Variants in VDAC1 observed in about 807,000 individuals in gnomAD.
VDAC1 encodes the protein voltage dependent anion channel 1.
VDAC1 carries 10 observed loss-of-function variants against 34.7 expected under a neutral mutation model. The ratio of observed to expected loss-of-function variants is 0.29; its 90% CI spans 0.18 to 0.49. The LOEUF (loss-of-function observed/expected upper bound fraction) is 0.49, where lower values mean the gene tolerates loss of function less well. VDAC1 is among the 20% of genes least tolerant of loss of function. The pLI is 0.99. For missense variants in VDAC1, 230 were observed against 347.9 expected (o/e 0.66, Z 2.69); for synonymous variants, 130 against 136.0 (o/e 0.96, Z 0.30).
chr5:134,085,076 C>CTTTTCTT, the VDAC1 span, among the ~76,000 whole-genome samples: 177 of 145,994 alleles, frequency 1.2e-3, 2 homozygotes, highest in East Asian at 9.1e-3. Context: ...TTTTTCTTTT[C>CTTTTCTT]TTTTTTTTTT....
chr5:134,042,776 C>T, the VDAC1 span, among the ~76,000 whole-genome samples: 1 of 152,238 alleles, frequency 6.6e-6, no homozygotes, highest in African/African-American at 2.4e-5. Flanking sequence ...GCGTGAGCCA[C>T]CATGCCTGGC....
the VDAC1 span, among the ~76,000 whole-genome samples, chr5:134,048,693 A>G: frequency 2.0e-5 from 3 of 152,162 alleles, no homozygotes; most frequent in Non-Finnish European, 4.4e-5. Context: ...TCCAGATCAT[A>G]TAGTATCTTG....
chr5:133,985,813 C>A (rs1752887290), intron 5 of VDAC1, among the ~76,000 whole-genome samples: 1 of 152,208 alleles, frequency 6.6e-6, no homozygotes, highest in African/African-American at 2.4e-5. Context: ...AATATAAAAT[C>A]AGGCATCTTC....
chr5:133,980,655 A>AC, intron 6 of VDAC1, 74 bp downstream of exon 6: 1 of 876,642 alleles, frequency 1.1e-6, no homozygotes, highest in Non-Finnish European at 1.7e-6. Flanking sequence ...AAAAAAAAAC[A>AC]GTGAAAAGCA....
chr5:134,052,329 T>C, the VDAC1 span, among the ~76,000 whole-genome samples: 1 of 152,138 alleles, frequency 6.6e-6, no homozygotes, highest in Non-Finnish European at 1.5e-5. Context: ...TCTTGTGTTA[T>C]GTAAAACTTT....
chr5:133,976,937 G>A (rs947657570), intron 6 of VDAC1, among the ~76,000 whole-genome samples: 3 of 152,020 alleles, frequency 2.0e-5, no homozygotes, highest in Non-Finnish European at 4.4e-5. Flanking sequence ...CCAGCAACCT[G>A]GGGGGGTGAG....
chr5:133,972,772 T>C lies in VDAC1; in HGVS notation c.851A>G (p.Ter284=), dbSNP rs758284450. 7.0e-6 allele frequency: 11 copies of C among 1,578,408 alleles called. No homozygotes were observed. The East Asian group carries it at 2.0e-4, about 29-fold the overall frequency. ...ATTAAACAATTGTACAGTATTCATT[T>C]ATGCTTGAAATTCCAGTCCTAGACC... The part of the protein sequence containing the change: ...KLGLGLEFQA[*] The change falls in exon 9 of 9, where the codon TAA becomes TGA. Residue 284 remains the stop codon, a stop_retained_variant. Transcript: ENST00000265333.
the VDAC1 span, among the ~76,000 whole-genome samples, chr5:134,104,831 A>T: frequency 7.9e-5 from 12 of 152,214 alleles, no homozygotes; most frequent in Admixed American, 7.2e-4. Context: ...AAGCGAGGGG[A>T]TATACTTTCA....
At chr5:134,054,456 TC>T in the VDAC1 span, among the ~76,000 whole-genome samples, 4 of 79,182 alleles carry the variant, frequency 5.1e-5, no homozygotes, top group South Asian at 1.5e-3. Context: ...CTTCCTTCCT[TC>T]CTTTTTTTTT....
chr5:134,042,610 C>T, the VDAC1 span, among the ~76,000 whole-genome samples: 10 of 152,310 alleles, frequency 6.6e-5, no homozygotes, highest in African/African-American at 2.2e-4. Flanking sequence ...TCTCCTGCCT[C>T]GGCCTCCAGA....
At chr5:134,028,956 G>A in the VDAC1 span, among the ~76,000 whole-genome samples, 4 of 152,138 alleles carry the variant, frequency 2.6e-5, no homozygotes, top group Admixed American at 2.0e-4. Context: ...AAAAGATGGC[G>A]GCCATGTCAT....
chr5:133,980,886 C>T lies in VDAC1; in HGVS notation c.394G>A (p.Asp132Asn), dbSNP rs377065269. Residue 132 changes from aspartate to asparagine, a missense_variant, in exon 6 of 9, where the codon GAC (aspartate) becomes AAC (asparagine). Transcript: ENST00000265333. ...CCCCGGATGGAAGGCCCAGCAATGT[C>T]GAAATCCATGTCGCAGCCCAGGTTA... is the stretch of plus-strand genomic sequence containing the variant. Reference protein sequence around the residue: ...HINLGCDMDFDIAGPSIRGAL... With the variant: ...HINLGCDMDFNIAGPSIRGAL... The T allele has an allele frequency of 5.6e-6, 9 of 1,613,870 alleles. No homozygotes were observed. The highest frequency in any genetic ancestry group is 7.6e-6 in the Non-Finnish European group (9 of 1,180,006).
At chr5:133,992,862 G>A in intron 2 of VDAC1, 84 bp downstream of exon 2, 1 of 1,333,084 alleles carries the variant, frequency 7.5e-7, no homozygotes, top group Non-Finnish European at 1.0e-6. Flanking sequence ...ACCTACCCAG[G>A]TCTCCTAAAC....
chr5:134,073,972 T>G, the VDAC1 span, among the ~76,000 whole-genome samples: 1 of 152,296 alleles, frequency 6.6e-6, no homozygotes, highest in South Asian at 2.1e-4. Flanking sequence ...TGTTATGTTT[T>G]TTCCCATTAT....
At chr5:134,092,325 C>T in the VDAC1 span, among the ~76,000 whole-genome samples, 1 of 152,254 alleles carries the variant, frequency 6.6e-6, no homozygotes, top group East Asian at 1.9e-4. Flanking sequence ...CATCTCACTT[C>T]AAAACAAAAA....
the VDAC1 span, among the ~76,000 whole-genome samples, chr5:134,066,165 G>A: frequency 6.6e-6 from 1 of 151,884 alleles, no homozygotes; most frequent in Non-Finnish European, 1.5e-5. Flanking sequence ...GGAGAGTGCT[G>A]GCTAATTTTT....
Position 133,997,960 on chromosome 5 carries a change from G to A in VDAC1, c.-6-4942C>T, listed in dbSNP as rs567047261. Among the ~76,000 whole-genome samples the A allele has an allele frequency of 1.3e-4, 20 of 151,952 alleles. 1 individual carries two copies. The highest frequency in any genetic ancestry group is 3.4e-3 in the Middle Eastern group (1 of 294). On this transcript the variant is annotated intron_variant, in intron 1 of 8. Transcript: ENST00000265333. ...CGCATGCCTGTAATCCCAGCTACTCGGGAGGCTGGGGCAGAAGAATTGCCT... is the reference window on the plus strand; with the variant it reads ...CGCATGCCTGTAATCCCAGCTACTCAGGAGGCTGGGGCAGAAGAATTGCCT...
upstream of VDAC1, among the ~76,000 whole-genome samples, chr5:134,007,009 T>C (rs1041161009): frequency 6.1e-4 from 93 of 151,830 alleles, 1 homozygote; most frequent in East Asian, 7.8e-4. Flanking sequence ...TTTGGGAGGC[T>C]GAGGCGGCTG....
the VDAC1 span, among the ~76,000 whole-genome samples, chr5:134,016,637 A>C: frequency 1.3e-5 from 2 of 152,206 alleles, no homozygotes; most frequent in East Asian, 1.9e-4. Context: ...GCTAACGGGC[A>C]CCACTTTGTT....
Sources: allele counts gnomAD v4.1 joint callset (sites outside exome capture counted in the v4.1 genomes callset), GRCh38; gene constraint gnomAD v4.1.1; transcripts MANE v1.5; gene names NCBI Gene and HGNC (gene_info 2026-07-23, HGNC 2026-07-21).